PDE4DIP: variants seen among roughly 807,000 people sequenced by gnomAD.
The protein encoded by PDE4DIP is phosphodiesterase 4D interacting protein, also known as myomegalin.
PDE4DIP carries 59 observed loss-of-function variants against 221.4 expected under a neutral mutation model. The observed-to-expected ratio is 0.27, with a 90% CI of 0.22 to 0.33. The LOEUF is 0.33. Ranked by LOEUF, PDE4DIP falls within the 10% of genes least tolerant of loss-of-function variation. The pLI is 1.00. For synonymous variants in PDE4DIP, 404 were observed against 815.9 expected, an observed-to-expected ratio of 0.50 and a Z score of 8.60; for missense variants, 1,036 against 2,154.2, an observed-to-expected ratio of 0.48 and a Z score of 10.28.
intron 21 of PDE4DIP, chr1:148,986,545 T>A (rs1385259141): frequency 6.6e-6 from 1 of 152,188 alleles, no homozygotes; most frequent in African/African-American, 2.4e-5. Context: ...TTTTTCCTTA[T>A]GGGAGAATCA....
intron 22 of PDE4DIP, 41 bp from the exon 26 acceptor site, chr1:148,998,102 C>T: frequency 1.2e-6 from 1 of 824,942 alleles, no homozygotes; most frequent in Non-Finnish European, 2.0e-6. Flanking sequence ...CTTGGGTCCT[C>T]TTTAATGGCC....
chr1:148,980,621 C>T (rs189059489), intron 20 of PDE4DIP, among the ~76,000 whole-genome samples: 623 of 151,870 alleles, frequency 4.1e-3, no homozygotes, highest in Non-Finnish European at 6.9e-3. Flanking sequence ...CCTACTAGCC[C>T]CTTTTATTCT....
rs574866 is a variant in PDE4DIP at position 148,929,383 on chromosome 1, A to G, written c.218+110A>G. ...CCTATCTGTGGCATTTGAATCCTGT[A>G]TCTGATTCAGGAACTGAAACAATAG... On this transcript the variant is annotated intron_variant, in intron 2 of 43. Transcript: ENST00000369354. 4.9e-4 allele frequency: 700 copies of G among 1,428,702 alleles called. 4 individuals carry two copies. The African/African-American group carries it at 9.0e-3, about 18-fold the overall frequency. The allele number at this position is 1,428,702 out of a possible 1,614,324, so 88.5% of individuals were successfully genotyped here.
chr1:148,976,495 CAT>C (rs1553537760), intron 17 of PDE4DIP, among the ~76,000 whole-genome samples: 1 of 151,970 alleles, frequency 6.6e-6, no homozygotes. Context: ...GTAGTTATCT[CAT>C]AGGATTGTTG....
At chr1:148,964,401 C>A (rs1307788051) in intron 9 of PDE4DIP, among the ~76,000 whole-genome samples, 2 of 152,032 alleles carry the variant, frequency 1.3e-5, no homozygotes, top group Non-Finnish European at 2.9e-5. Flanking sequence ...AGCCACCACG[C>A]TGGGCCAAAA....
At chr1:148,952,385 C>A in intron 5 of PDE4DIP, 1 of 1,078,820 alleles carries the variant, frequency 9.3e-7, no homozygotes, top group Non-Finnish European at 1.1e-6. Context: ...ATCCTCCATC[C>A]CCGAGGCTTT....
At chr1:149,016,273 T>C in intron 32 of PDE4DIP, 26 bp from the exon 36 acceptor site, 1 of 1,612,732 alleles carries the variant, frequency 6.2e-7, no homozygotes, top group Non-Finnish European at 8.5e-7. Context: ...CCCATTTGCT[T>C]CTTACTAATG....
intron 1 of PDE4DIP, among the ~76,000 whole-genome samples, chr1:148,926,858 T>C (rs868985585): frequency 0.017 from 2,429 of 146,082 alleles, 42 homozygotes; most frequent in Middle Eastern, 0.053. Flanking sequence ...GATTCATCAA[T>C]TGGTACAGAT....
chr1:148,953,092 T>C (rs1553493717), intron 5 of PDE4DIP: 1 of 1,614,086 alleles, frequency 6.2e-7, no homozygotes, highest in Non-Finnish European at 8.5e-7. Flanking sequence ...ACGATGACTC[T>C]GGCGCGGAGA....
intron 1 of PDE4DIP, among the ~76,000 whole-genome samples, chr1:148,927,321 A>G (rs1468548155): frequency 7.2e-5 from 11 of 152,058 alleles, no homozygotes; most frequent in Admixed American, 6.6e-4. Context: ...TATGAGGGGA[A>G]CAAACATTCT....
At chr1:148,951,607 C>A (rs587617631) in intron 5 of PDE4DIP, among the ~76,000 whole-genome samples, 162 of 152,160 alleles carry the variant, frequency 1.1e-3, no homozygotes, top group African/African-American at 3.7e-3. Context: ...CTGCCCTCTA[C>A]CTGAGGGAAA....
intron 43 of PDE4DIP, chr1:149,030,776 A>G: frequency 2.0e-6 from 2 of 984,920 alleles, no homozygotes; most frequent in Non-Finnish European, 2.4e-6. Flanking sequence ...TAACATGACA[A>G]AAGAGATCTG....
At chr1:148,884,919 C>T (rs1626156), upstream of PDE4DIP, among the ~76,000 whole-genome samples, 5 of 147,624 alleles carry the variant, frequency 3.4e-5, no homozygotes, top group East Asian at 2.1e-4. Context: ...AGGAATGCTA[C>T]TAGGTATGCT....
intron 20 of PDE4DIP, among the ~76,000 whole-genome samples, chr1:148,980,975 CTT>C (rs1323359963): frequency 6.6e-6 from 1 of 152,186 alleles, no homozygotes; most frequent in Non-Finnish European, 1.5e-5. Flanking sequence ...TGAAATTTCT[CTT>C]GTTTGGGCTA....
At position 148,969,021 on chromosome 1, in the gene PDE4DIP, G is replaced by A. The variant is rs1229131903; in HGVS notation, c.1971G>A (p.Gln657=). Residue 657 remains glutamine, a synonymous_variant, in exon 14 of 44, where the codon CAG becomes CAA. Coordinates refer to ENST00000369354, the Ensembl canonical transcript of PDE4DIP. ...TTCAGTCTGTGAGCACCAGGGAGCAGGAAAGCCAAGTAAGGATTAATGCAC... is the reference window on the plus strand; with the variant it reads ...TTCAGTCTGTGAGCACCAGGGAGCAAGAAAGCCAAGTAAGGATTAATGCAC... 4 of 1,605,204 alleles carry A rather than the reference G, an allele frequency of 2.5e-6. No homozygotes were observed. The African/African-American group carries it at 5.3e-5, about 21-fold the overall frequency.
intron 21 of PDE4DIP, among the ~76,000 whole-genome samples, chr1:148,986,636 T>G (rs1178641169): frequency 1.3e-5 from 2 of 152,156 alleles, no homozygotes; most frequent in East Asian, 3.9e-4. Context: ...AAGAAGAAAC[T>G]CGAATTTTTC....
intron 20 of PDE4DIP, among the ~76,000 whole-genome samples, 195 bp from the exon 24 acceptor site, chr1:148,981,075 A>G (rs1232951306): frequency 2.0e-5 from 3 of 152,206 alleles, no homozygotes; most frequent in Non-Finnish European, 4.4e-5. Flanking sequence ...TAAAAAAAGC[A>G]ACAGTCCTTA....
chr1:148,922,586 CTT>C (rs1553462484), intron 1 of PDE4DIP, among the ~76,000 whole-genome samples: 2 of 146,374 alleles, frequency 1.4e-5, no homozygotes, highest in Admixed American at 1.3e-4. Context: ...CTGAGAAAGT[CTT>C]TATTTATCTA....
At chr1:149,002,003 A>G (rs375928108) in exon 24 of PDE4DIP, 70 of 907,446 alleles carry the variant, frequency 7.7e-5, no homozygotes, top group Non-Finnish European at 9.2e-5. Context: ...CCTTGGGGCT[A>G]CCTTCACAGT....
Sources: gnomAD v4.1 joint callset for allele counts (sites outside exome capture counted in the v4.1 genomes callset) on GRCh38, gnomAD v4.1.1 for gene constraint, MANE v1.5 for transcripts, NCBI Gene and HGNC (gene_info 2026-07-23, HGNC 2026-07-21) for gene names.